The following LPP variants were observed in gnomAD, a reference collection of about 807,000 sequenced individuals.
LPP encodes lipoma-preferred partner.
In LPP, 38 loss-of-function variants were observed where a neutral mutation model predicts 60.4. The observed-to-expected ratio is 0.63, with a 90% CI of 0.49 to 0.83. LPP has a LOEUF of 0.83. Among genes scored for constraint, LPP ranks in the 40% least tolerant of loss-of-function variants. The pLI is 0.00. For missense variants in LPP, 902 were observed against 783.6 expected, an observed-to-expected ratio of 1.15 and a Z score of -1.80; for synonymous variants, 328 against 290.8, an observed-to-expected ratio of 1.13 and a Z score of -1.30.
intron 2 of LPP, chr3:188,312,959 G>A (rs1050240801): frequency 6.6e-6 from 1 of 151,458 alleles, no homozygotes; most frequent in Non-Finnish European, 1.5e-5. Context: ...ACAGGAAAGG[G>A]AACATCACAC....
chr3:188,810,350 A>G (rs1207173042), intron 9 of LPP, among the ~76,000 whole-genome samples: 1 of 151,996 alleles, frequency 6.6e-6, no homozygotes, highest in Non-Finnish European at 1.5e-5. Context: ...CCCAACTCCC[A>G]CTTATCAGTA....
At chr3:188,462,440 A>G (rs1465857218) in intron 4 of LPP, among the ~76,000 whole-genome samples, 1 of 149,360 alleles carries the variant, frequency 6.7e-6, no homozygotes, top group Non-Finnish European at 1.5e-5. Flanking sequence ...TTGCATTAGC[A>G]TATTTAGCCA....
rs1852521587 is a variant in LPP, at chr3:188,653,578, A to T, written c.1113+43734A>T. Among the ~76,000 whole-genome samples the T allele has an allele frequency of 1.3e-5, 2 of 152,156 alleles. 1 individual carries two copies. The highest frequency in any genetic ancestry group is 4.1e-4 in the South Asian group (2 of 4,832). ...TGGTCCAGTTTGGAGTAGAAGACTG[A>T]CTGTGAAAGATAATTGAAAGTCTGC... On this transcript the variant is annotated intron_variant, in intron 7 of 11. Coordinates refer to ENST00000617246, the MANE Select transcript of LPP (RefSeq NM_001375462.1).
At chr3:188,778,913 A>T (rs560587947) in intron 9 of LPP, among the ~76,000 whole-genome samples, 1 of 152,308 alleles carries the variant, frequency 6.6e-6, no homozygotes, top group African/African-American at 2.4e-5. Flanking sequence ...AGCAAAGAGA[A>T]ACTGTAATTT....
At chr3:188,737,148 A>G (rs900749269) in intron 8 of LPP, among the ~76,000 whole-genome samples, 3 of 152,292 alleles carry the variant, frequency 2.0e-5, no homozygotes, top group Middle Eastern at 3.4e-3. Flanking sequence ...TACAATGAAC[A>G]TGTGTTATTT....
At chr3:188,573,480 C>A (rs538943213) in intron 6 of LPP, among the ~76,000 whole-genome samples, 1 of 152,202 alleles carries the variant, frequency 6.6e-6, no homozygotes, top group East Asian at 1.9e-4. Flanking sequence ...GGGGCCCTCT[C>A]CTGGCCACTG....
intron 6 of LPP, among the ~76,000 whole-genome samples, chr3:188,556,449 A>C (rs981879678): frequency 2.4e-4 from 36 of 152,086 alleles, no homozygotes; most frequent in Non-Finnish European, 3.8e-4. Context: ...TCATATAGTA[A>C]ATTACCAATA....
At chr3:188,529,990 C>A (rs1430405110) in intron 6 of LPP, among the ~76,000 whole-genome samples, 1 of 152,136 alleles carries the variant, frequency 6.6e-6, no homozygotes, top group Non-Finnish European at 1.5e-5. Flanking sequence ...GTAGAGCAGG[C>A]AGTATTTGAG....
chr3:188,863,864 T>G (rs1307369973), intron 9 of LPP, among the ~76,000 whole-genome samples: 1 of 151,086 alleles, frequency 6.6e-6, no homozygotes, highest in Non-Finnish European at 1.5e-5. Context: ...TTTGAGTAAA[T>G]GAGCTGAATC....
At chr3:188,220,984 T>C (rs754764198) in intron 1 of LPP, among the ~76,000 whole-genome samples, 6 of 152,168 alleles carry the variant, frequency 3.9e-5, no homozygotes, top group Non-Finnish European at 8.8e-5. Context: ...AGGGCTACCA[T>C]TTAACTTTCT....
intron 8 of LPP, among the ~76,000 whole-genome samples, chr3:188,731,950 G>A (rs1720767324): frequency 6.6e-6 from 1 of 152,144 alleles, no homozygotes; most frequent in Non-Finnish European, 1.5e-5. Context: ...AAATGAATGA[G>A]AGGAGTGAGC....
intron 7 of LPP, among the ~76,000 whole-genome samples, chr3:188,671,283 AG>A (rs1405328559): frequency 6.6e-6 from 1 of 152,198 alleles, no homozygotes; most frequent in Non-Finnish European, 1.5e-5. Context: ...TAAATGTGTA[AG>A]GAATAAATTA....
At chr3:188,174,464 G>A (rs745737390) in intron 1 of LPP, among the ~76,000 whole-genome samples, 10 of 152,224 alleles carry the variant, frequency 6.6e-5, no homozygotes, top group African/African-American at 1.9e-4. Context: ...AGGAACGCAC[G>A]CATGAGGCAG....
chr3:188,786,987 T>C (rs1742133623), intron 9 of LPP, among the ~76,000 whole-genome samples: 1 of 152,106 alleles, frequency 6.6e-6, no homozygotes, highest in African/African-American at 2.4e-5. Context: ...AAAAGGACAA[T>C]AGAAGGGATC....
At chr3:188,665,496 G>C (rs1428480384) in intron 7 of LPP, among the ~76,000 whole-genome samples, 1 of 104,798 alleles carries the variant, frequency 9.5e-6, no homozygotes, top group Non-Finnish European at 1.8e-5. Flanking sequence ...TTTTGCTCTT[G>C]TTGCCCAGGC....
chr3:188,823,932 C>T (rs1025430013), intron 9 of LPP, among the ~76,000 whole-genome samples: 3 of 152,034 alleles, frequency 2.0e-5, no homozygotes, highest in Non-Finnish European at 4.4e-5. Context: ...TTCTCAAAAC[C>T]ATTAGATCTT....
rs1302218078 is a variant in LPP at position 188,609,676 on chromosome 3, T to C, written c.945T>C (p.Pro315=). 6 of 1,613,972 alleles carry C rather than the reference T, an allele frequency of 3.7e-6. No homozygotes were observed. Among genetic ancestry groups the C allele is most frequent in the Non-Finnish European group, 3.4e-6 (4 of 1,180,012 alleles). ...ATGGGGGCAGAAATGACTCTGACCC[T>C]ACCTATGGTCAACAAGGTCACCCAA... The part of the protein sequence containing the change: ...PGYGGRNDSD[P]TYGQQGHPNT... Residue 315 remains proline, a synonymous_variant, in exon 7 of 12, where the codon CCT becomes CCC. Transcript: ENST00000617246. The surrounding 1 kb of genome is among the most constrained non-coding windows in gnomAD (Gnocchi z 6.9).
At chr3:188,359,555 G>A (rs1329700116) in intron 3 of LPP, among the ~76,000 whole-genome samples, 1 of 152,172 alleles carries the variant, frequency 6.6e-6, no homozygotes, top group Non-Finnish European at 1.5e-5. Flanking sequence ...GGACTGTAAA[G>A]AGTGCTTATT....
rs1298497979 is a variant in LPP, at chr3:188,885,853, TC to T, written c.*11375del. On this transcript the variant is annotated 3_prime_UTR_variant, in exon 12 of 12. Coordinates refer to ENST00000617246, the MANE Select transcript of LPP (RefSeq NM_001375462.1). The stretch of plus-strand genomic sequence containing the variant: ...ATTCTAACTGGTGTGAGATGGTATC[TC>T]ATAGTGGTTTTGATTTGCATTTCTC... 1.3e-5 allele frequency: 2 copies of T among 152,164 alleles called. No individual in the cohort carries two copies. The highest frequency in any genetic ancestry group is 2.9e-5 in the Non-Finnish European group (2 of 68,038). The allele number at this position is 152,164 out of a possible 1,614,324, so 9.4% of individuals were successfully genotyped here.
Sources: allele counts gnomAD v4.1 joint callset (sites outside exome capture counted in the v4.1 genomes callset), GRCh38; gene constraint gnomAD v4.1.1; non-coding constraint Gnocchi (gnomAD v3.1); transcripts MANE v1.5; gene names NCBI Gene and HGNC (gene_info 2026-07-23, HGNC 2026-07-21).